Variants in MGAT4C observed in about 807,000 individuals in gnomAD.
The protein encoded by MGAT4C is MGAT4 family member C.
Under a neutral mutation model 40.1 loss-of-function variants are expected in MGAT4C, and 19 were observed. The ratio of observed to expected loss-of-function variants is 0.47; its 90% CI spans 0.33 to 0.70. The LOEUF is 0.70. Among genes scored for constraint, MGAT4C ranks in the 30% least tolerant of loss-of-function variants. MGAT4C has a pLI of 0.02. For synonymous variants in MGAT4C, 181 were observed against 187.1 expected, an observed-to-expected ratio of 0.97 and a Z score of 0.27; for missense variants, 491 against 563.2, an observed-to-expected ratio of 0.87 and a Z score of 1.30.
chr12:86,668,734 G>A (rs1475672462), intron 2 of MGAT4C, among the ~76,000 whole-genome samples: 4 of 152,172 alleles, frequency 2.6e-5, no homozygotes, highest in Non-Finnish European at 5.9e-5. Flanking sequence ...GTGCTCTCCC[G>A]TCACAAGCCT....
intron 1 of MGAT4C, among the ~76,000 whole-genome samples, chr12:86,250,889 GT>G (rs1464318351): frequency 6.6e-6 from 1 of 151,984 alleles, no homozygotes; most frequent in Non-Finnish European, 1.5e-5. Context: ...CCAAAATTGT[GT>G]TTGTACTATA....
At chr12:86,635,781 A>T (rs1963200657) in intron 2 of MGAT4C, among the ~76,000 whole-genome samples, 1 of 151,526 alleles carries the variant, frequency 6.6e-6, no homozygotes, top group Admixed American at 6.6e-5. Flanking sequence ...GGCTCCAGGG[A>T]TGCTCCCACC....
intron 2 of MGAT4C, among the ~76,000 whole-genome samples, chr12:86,518,175 G>T (rs1958730045): frequency 6.6e-6 from 1 of 152,084 alleles, no homozygotes; most frequent in Non-Finnish European, 1.5e-5. Flanking sequence ...GATTTCTTAG[G>T]TAGATCACCA....
At chr12:86,494,280 TCACATTATTAAAAAAAA>T (rs1274634817) in intron 2 of MGAT4C, among the ~76,000 whole-genome samples, 2 of 151,986 alleles carry the variant, frequency 1.3e-5, no homozygotes, top group African/African-American at 4.8e-5. Context: ...ACTGTTTATA[TCACATTATTAAAAAAAA>T]CCTTGCCTAG....
At chr12:86,035,980 C>A (rs946499267) in intron 2 of MGAT4C, among the ~76,000 whole-genome samples, 7 of 149,728 alleles carry the variant, frequency 4.7e-5, no homozygotes, top group African/African-American at 1.5e-4. Flanking sequence ...TTACTGTAGC[C>A]TTGTAGTATA....
intron 4 of MGAT4C, among the ~76,000 whole-genome samples, chr12:86,333,580 A>G (rs982253271): frequency 6.6e-6 from 1 of 152,204 alleles, no homozygotes; most frequent in African/African-American, 2.4e-5. Flanking sequence ...CTGATGACAG[A>G]GCAAAGAAGA....
intron 2 of MGAT4C, among the ~76,000 whole-genome samples, chr12:86,681,453 T>A (rs923780636): frequency 5.3e-5 from 8 of 151,974 alleles, no homozygotes; most frequent in African/African-American, 1.9e-4. Context: ...ATTAATCAGA[T>A]TTTCTTTTAA....
intron 1 of MGAT4C, among the ~76,000 whole-genome samples, chr12:86,057,234 G>C (rs1893496684): frequency 6.6e-6 from 1 of 152,032 alleles, no homozygotes; most frequent in Admixed American, 6.6e-5. Flanking sequence ...CTGGAGCACA[G>C]TGGCACAATC....
At chr12:86,661,476 A>C (rs1963978248) in intron 2 of MGAT4C, among the ~76,000 whole-genome samples, 1 of 152,126 alleles carries the variant, frequency 6.6e-6, no homozygotes, top group African/African-American at 2.4e-5. Context: ...TAACCAAATA[A>C]CTACAAAATA....
chr12:86,364,827 T>A (rs1955557894), intron 3 of MGAT4C, among the ~76,000 whole-genome samples: 1 of 152,050 alleles, frequency 6.6e-6, no homozygotes, highest in African/African-American at 2.4e-5. Flanking sequence ...GTCACAGAGA[T>A]CATGTGCTTC....
At chr12:86,612,655 G>C (rs913276753) in intron 2 of MGAT4C, among the ~76,000 whole-genome samples, 1 of 149,832 alleles carries the variant, frequency 6.7e-6, no homozygotes, top group African/African-American at 2.5e-5. Context: ...CAAGAGAATC[G>C]CTTGAATCCG....
chr12:86,720,614 A>G (rs2136643493), intron 2 of MGAT4C, among the ~76,000 whole-genome samples: 1 of 152,250 alleles, frequency 6.6e-6, no homozygotes, highest in Non-Finnish European at 1.5e-5. Context: ...CAATCATCCA[A>G]CAAAAATTAT....
intron 1 of MGAT4C, among the ~76,000 whole-genome samples, chr12:86,185,917 T>TCCCCA (rs1388811121): frequency 2.6e-5 from 4 of 151,610 alleles, no homozygotes; most frequent in Non-Finnish European, 4.4e-5. Flanking sequence ...CAATTTCCCC[T>TCCCCA]CCCCACCCCA....
chr12:86,060,662 T>C (rs1233295568), intron 1 of MGAT4C, among the ~76,000 whole-genome samples: 1 of 152,208 alleles, frequency 6.6e-6, no homozygotes, highest in Non-Finnish European at 1.5e-5. Context: ...TAGCACAAAA[T>C]GACTGAAGAA....
rs997713277 is a variant in MGAT4C at position 86,003,458 on chromosome 12, A to G, written c.-6-13906T>C. 3.3e-5 allele frequency among the ~76,000 whole-genome samples: 5 copies of G among 152,228 alleles called. No individual in the cohort carries two copies. In the South Asian group the frequency reaches 1.0e-3, roughly 32 times the overall value. On this transcript the variant is annotated intron_variant, in intron 2 of 4. Coordinates refer to ENST00000611864, the MANE Select transcript of MGAT4C (RefSeq NM_001351288.2). ...AGAGTTGTTTGATGCCCATTACTTC[A>G]TATTTCTCAAGACAGCCATAAAACC...
At chr12:86,757,031 A>G (rs61949590) in intron 1 of MGAT4C, among the ~76,000 whole-genome samples, 44,958 of 151,990 alleles carry the variant, frequency 0.3, 6,788 homozygotes, top group East Asian at 0.37. Flanking sequence ...TATAAATTAC[A>G]GCCATAAAAA....
At chr12:86,393,439 T>C (rs567177060) in intron 3 of MGAT4C, among the ~76,000 whole-genome samples, 5 of 152,292 alleles carry the variant, frequency 3.3e-5, no homozygotes, top group Non-Finnish European at 7.4e-5. Flanking sequence ...ATTTTAGATA[T>C]AAGAAAACTG....
At chr12:86,047,616 T>C (rs141591751) in intron 2 of MGAT4C, among the ~76,000 whole-genome samples, 7 of 152,218 alleles carry the variant, frequency 4.6e-5, no homozygotes, top group Non-Finnish European at 8.8e-5. Context: ...GAAAGTATAA[T>C]AGCAAATGCT....
In MGAT4C at chr12:86,774,168, G is replaced by A. The variant is rs112150794; in HGVS notation, c.-261-46927C>T. Among the ~76,000 whole-genome samples the A allele has an allele frequency of 6.0e-3, 903 of 151,538 alleles. 5 individuals carry two copies. Among genetic ancestry groups the A allele is most frequent in the African/African-American group, 0.021 (860 of 41,356 alleles). ...CGGATTTCACTATGTTGGCCAGGCT[G>A]GTCTTGAACTTCTGACCTCGAGTGA... On this transcript the variant is annotated intron_variant, in intron 1 of 7. Transcript: ENST00000548651.
Sources: allele counts gnomAD v4.1 joint callset (sites outside exome capture counted in the v4.1 genomes callset), GRCh38; gene constraint gnomAD v4.1.1; transcripts MANE v1.5; gene names NCBI Gene and HGNC (gene_info 2026-07-23, HGNC 2026-07-21).